Variants in LRBA observed in about 807,000 individuals in gnomAD.
LRBA encodes the protein LPS responsive beige-like anchor protein, also known as lipopolysaccharide-responsive and beige-like anchor protein.
A neutral mutation model predicts 330.0 loss-of-function variants in LRBA; 176 were observed. That is an observed-to-expected ratio of 0.53 (90% CI 0.47 to 0.60). The LOEUF is 0.60. Ranked by LOEUF, LRBA falls within the 20% of genes least tolerant of loss-of-function variation. The pLI, the probability that LRBA is intolerant of heterozygous loss-of-function variation, is 0.00. For missense variants in LRBA, 3,259 were observed against 3,444.8 expected (o/e 0.95, Z 1.35); for synonymous variants, 1,230 against 1,193.0 (o/e 1.03, Z -0.64).
intron 37 of LRBA, among the ~76,000 whole-genome samples, chr4:150,619,823 T>G (rs932258016): frequency 6.6e-6 from 1 of 152,120 alleles, no homozygotes; most frequent in Non-Finnish European, 1.5e-5. Context: ...ACTCTGATCA[T>G]TCTTTCATAG....
intron 5 of LRBA, among the ~76,000 whole-genome samples, chr4:150,920,835 AC>A (rs1733175766): frequency 2.6e-5 from 4 of 152,168 alleles, no homozygotes; most frequent in Admixed American, 2.6e-4. Flanking sequence ...TACACAAGGT[AC>A]AAAAAAAAAG....
intron 34 of LRBA, among the ~76,000 whole-genome samples, chr4:150,788,238 AATTTTTTTTTTTTT>A (rs1739359328): frequency 2.8e-5 from 3 of 108,604 alleles, no homozygotes; most frequent in African/African-American, 4.2e-5. Context: ...ACACCCGGTT[AATTTTTTTTTTTTT>A]TTTTTTTTTT....
intron 44 of LRBA, among the ~76,000 whole-genome samples, chr4:150,441,124 A>T (rs987273412): frequency 2.6e-5 from 4 of 152,032 alleles, no homozygotes; most frequent in African/African-American, 4.8e-5. Context: ...TAATGATAAT[A>T]ATTATTATTT....
At chr4:150,618,502 GCTCTT>G (rs1463200442) in intron 37 of LRBA, among the ~76,000 whole-genome samples, 2 of 152,060 alleles carry the variant, frequency 1.3e-5, no homozygotes, top group African/African-American at 4.8e-5. Flanking sequence ...TTGAGTTGTA[GCTCTT>G]CTCTTTCAAC....
intron 40 of LRBA, among the ~76,000 whole-genome samples, chr4:150,552,955 G>C (rs1204094543): frequency 6.6e-6 from 1 of 151,806 alleles, no homozygotes; most frequent in African/African-American, 2.4e-5. Flanking sequence ...TGTAGTCTCA[G>C]CTACTTGGGA....
intron 47 of LRBA, among the ~76,000 whole-genome samples, chr4:150,394,906 T>C (rs1744512315): frequency 6.6e-6 from 1 of 152,158 alleles, no homozygotes; most frequent in South Asian, 2.1e-4. Flanking sequence ...TATTATATGC[T>C]TGTAGTCATG....
intron 36 of LRBA, among the ~76,000 whole-genome samples, chr4:150,710,397 A>G (rs1313701248): frequency 1.3e-5 from 2 of 152,148 alleles, no homozygotes; most frequent in African/African-American, 2.4e-5. Context: ...TCAAGTGGCA[A>G]TTACAAGTAT....
intron 42 of LRBA, among the ~76,000 whole-genome samples, chr4:150,485,203 T>C (rs1431393056): frequency 1.3e-5 from 2 of 152,004 alleles, no homozygotes; most frequent in African/African-American, 4.8e-5. Flanking sequence ...TTCTCTAAAT[T>C]ACTGACATAA....
At chr4:150,486,256 T>C (rs1757857199) in intron 42 of LRBA, among the ~76,000 whole-genome samples, 1 of 151,820 alleles carries the variant, frequency 6.6e-6, no homozygotes, top group Non-Finnish European at 1.5e-5. Flanking sequence ...AAAAAATACC[T>C]ACTGCAAAAG....
At chr4:150,972,608 A>G (rs924413025) in intron 2 of LRBA, among the ~76,000 whole-genome samples, 3 of 152,224 alleles carry the variant, frequency 2.0e-5, no homozygotes, top group African/African-American at 7.2e-5. Context: ...GAAATGCTTA[A>G]AAAACGTATT....
intron 17 of LRBA, among the ~76,000 whole-genome samples, chr4:150,878,628 C>A (rs1404528696): frequency 1.3e-5 from 2 of 150,476 alleles, no homozygotes; most frequent in African/African-American, 2.4e-5. Context: ...AATCCACATA[C>A]AAGCACAATC....
At chr4:150,367,358 T>C (rs1173900964) in intron 47 of LRBA, among the ~76,000 whole-genome samples, 2 of 152,178 alleles carry the variant, frequency 1.3e-5, no homozygotes, top group Non-Finnish European at 2.9e-5. Context: ...TTTCTTACAG[T>C]GCAAATTGAG....
At chr4:150,781,257 A>G (rs772118598) in intron 34 of LRBA, among the ~76,000 whole-genome samples, 11 of 152,224 alleles carry the variant, frequency 7.2e-5, no homozygotes, top group Non-Finnish European at 1.3e-4. Flanking sequence ...AATCAGTGGG[A>G]GCACTCAGCT....
rs1029894831 is a variant in LRBA, at chr4:150,453,305, G to C, written c.6780+14368C>G. ...ATAAAACCACAGTACTCAAGACTGT[G>C]ATACTGATATAAGGATATACTGATT... On this transcript the variant is annotated intron_variant, in intron 44 of 56. Coordinates refer to ENST00000651943, the MANE Select transcript of LRBA (RefSeq NM_001364905.1). Among the ~76,000 whole-genome samples, 39 of 152,088 alleles carry C rather than the reference G, an allele frequency of 2.6e-4. 1 individual carries two copies. The highest frequency in any genetic ancestry group is 3.3e-4 in the Admixed American group (5 of 15,268).
At chr4:150,353,495 CA>C (rs1737433077) in intron 47 of LRBA, among the ~76,000 whole-genome samples, 1 of 152,054 alleles carries the variant, frequency 6.6e-6, no homozygotes, top group South Asian at 2.1e-4. Flanking sequence ...AAAACTAGGG[CA>C]ATTTTATTTT....
chr4:150,435,562 C>T (rs1369979217), intron 46 of LRBA, 27 bp downstream of exon 46: 1 of 1,591,516 alleles, frequency 6.3e-7, no homozygotes, highest in Admixed American at 1.9e-5. Flanking sequence ...CTGGCAATAA[C>T]AACTATAAAA....
chr4:150,807,229 T>C (rs1463216126), intron 32 of LRBA, among the ~76,000 whole-genome samples: 1 of 152,014 alleles, frequency 6.6e-6, no homozygotes, highest in African/African-American at 2.4e-5. Flanking sequence ...TAGGAGTACT[T>C]CCTATTCATA....
intron 37 of LRBA, among the ~76,000 whole-genome samples, chr4:150,608,122 C>T (rs1422934674): frequency 6.6e-6 from 1 of 151,932 alleles, no homozygotes; most frequent in African/African-American, 2.4e-5. Flanking sequence ...GAGGTGGGAG[C>T]GTCACCTGAG....
rs528672611 is a variant in LRBA at position 150,514,715 on chromosome 4, G to A, written c.6331-23680C>T. On this transcript the variant is annotated intron_variant, in intron 40 of 56. Transcript: ENST00000651943. ...GAGACAGGACATATAAATGTTACAT[G>A]AACCAGGACTCAAGAACTCTGATCT... 4.6e-5 allele frequency among the ~76,000 whole-genome samples: 7 copies of A among 152,290 alleles called. No individual in the cohort carries two copies. The East Asian group carries it at 1.3e-3, about 29-fold the overall frequency.
Sources: gnomAD v4.1 joint callset for allele counts (sites outside exome capture counted in the v4.1 genomes callset) on GRCh38, gnomAD v4.1.1 for gene constraint, MANE v1.5 for transcripts, NCBI Gene and HGNC (gene_info 2026-07-23, HGNC 2026-07-21) for gene names.